CMC1: variants seen among roughly 807,000 people sequenced by gnomAD.
The protein encoded by CMC1 is COX assembly mitochondrial protein homolog.
In CMC1, 14 loss-of-function variants were observed where a neutral mutation model predicts 14.1. The ratio of observed to expected loss-of-function variants is 0.99; its 90% confidence interval spans 0.66 to 1.55. The LOEUF (loss-of-function observed/expected upper bound fraction) is 1.55. CMC1 is among the 40% of genes most tolerant of loss of function. CMC1 has a pLI of 0.00. For missense variants in CMC1, 127 were observed against 123.8 expected (o/e 1.03, Z -0.12); for synonymous variants, 50 against 38.4 (o/e 1.30, Z -1.12).
chr3:28,286,371 GGTT>G (rs1559424769), intron 2 of CMC1, among the ~76,000 whole-genome samples: 1 of 151,970 alleles, frequency 6.6e-6, no homozygotes, highest in Non-Finnish European at 1.5e-5. Flanking sequence ...GTTTATATAG[GGTT>G]GTTATTGAAA....
At chr3:28,302,847 G>A (rs1325177104) in intron 2 of CMC1, among the ~76,000 whole-genome samples, 1 of 152,128 alleles carries the variant, frequency 6.6e-6, no homozygotes, top group Non-Finnish European at 1.5e-5. Flanking sequence ...GTGACCTCAT[G>A]TGTGAGATAC....
chr3:28,304,358 C>G (rs1053291501), intron 2 of CMC1, among the ~76,000 whole-genome samples: 1 of 151,506 alleles, frequency 6.6e-6, no homozygotes, highest in Non-Finnish European at 1.5e-5. Context: ...CCAAAGATGT[C>G]TCAGTCATAA....
chr3:28,312,260 G>A (rs929578402), intron 2 of CMC1, among the ~76,000 whole-genome samples: 1 of 152,102 alleles, frequency 6.6e-6, no homozygotes, highest in African/African-American at 2.4e-5. Context: ...GAAAAGTTAG[G>A]AATAAGTGCT....
intron 3 of CMC1, chr3:28,319,270 C>G (rs772692059): frequency 6.2e-5 from 34 of 547,590 alleles, no homozygotes; most frequent in South Asian, 5.0e-4. Flanking sequence ...CGTGGGTTCC[C>G]AGGACAGGAG....
rs1382870620 is a variant in CMC1, at chr3:28,241,692, C to G, written c.-102C>G. 1.6e-6 allele frequency: 2 copies of G among 1,236,496 alleles called. No individual in the cohort carries two copies. Among genetic ancestry groups the G allele is most frequent in the Non-Finnish European group, 2.0e-6 (2 of 987,888 alleles). The allele number at this position is 1,236,496 out of a possible 1,614,324, so 76.6% of individuals were successfully genotyped here. A position where few individuals can be genotyped will look rare whatever the true frequency, so the allele number is the denominator to read the frequency against. On this transcript the variant is annotated 5_prime_UTR_variant, in exon 1 of 4. Coordinates refer to ENST00000466830, the MANE Select transcript of CMC1 (RefSeq NM_182523.2). Reference sequence around the variant, plus strand: ...CCCGTGTTTCTGTTGCGGGAAGCTCCCGGGGGTCGCACGTGCGTCCGAGCC... The same window carrying G: ...CCCGTGTTTCTGTTGCGGGAAGCTCGCGGGGGTCGCACGTGCGTCCGAGCC...
chr3:28,245,184 A>C (rs1576961124), intron 1 of CMC1, among the ~76,000 whole-genome samples: 1 of 152,182 alleles, frequency 6.6e-6, no homozygotes, highest in African/African-American at 2.4e-5. Flanking sequence ...AGCAACTTTT[A>C]ATTAACTTTG....
At chr3:28,263,219 CAG>C (rs1699824301) in intron 1 of CMC1, 70 bp from the exon 2 acceptor site, 4 of 1,041,134 alleles carry the variant, frequency 3.8e-6, no homozygotes, top group Non-Finnish European at 2.9e-6. Flanking sequence ...TTAAGTAAAC[CAG>C]AGTCTTATTT....
intron 2 of CMC1, among the ~76,000 whole-genome samples, chr3:28,314,062 A>G (rs1200876766): frequency 3.3e-5 from 5 of 152,188 alleles, no homozygotes; most frequent in Admixed American, 3.3e-4. Flanking sequence ...GTTCATTACC[A>G]CTATTGAACA....
chr3:28,284,730 CTG>C (rs147368414), intron 2 of CMC1, among the ~76,000 whole-genome samples: 15 of 150,202 alleles, frequency 1.0e-4, no homozygotes, highest in African/African-American at 1.5e-4. Context: ...TGTTAGATTT[CTG>C]TGTGTGTGTG....
chr3:28,278,311 C>A (rs1174133304), intron 2 of CMC1, among the ~76,000 whole-genome samples: 1 of 152,098 alleles, frequency 6.6e-6, no homozygotes, highest in African/African-American at 2.4e-5. Flanking sequence ...GGTAGATGGA[C>A]TCAGAGTTTA....
In CMC1 at chr3:28,324,076, T is replaced by A; in HGVS notation, c.*4447T>A. ...ATAAAGGCAGTTCTGATTATGTTGA[T>A]CCAAGTAATGCAGTGGTGGAAGGTT... is the stretch of plus-strand genomic sequence containing the variant. On this transcript the variant is annotated 3_prime_UTR_variant, in exon 4 of 4. Coordinates refer to ENST00000466830, the MANE Select transcript of CMC1 (RefSeq NM_182523.2). 6.2e-7 allele frequency: 1 copy of A among 1,609,394 alleles called. No homozygotes were observed. The highest frequency in any genetic ancestry group is 1.7e-4 in the Middle Eastern group (1 of 6,036).
chr3:28,263,825 A>G (rs1244778922), intron 2 of CMC1, among the ~76,000 whole-genome samples: 1 of 152,156 alleles, frequency 6.6e-6, no homozygotes, highest in African/African-American at 2.4e-5. Flanking sequence ...GAATCCTGAT[A>G]GGACTTACAG....
chr3:28,304,962 G>A (rs993711451), intron 2 of CMC1, among the ~76,000 whole-genome samples: 17 of 152,006 alleles, frequency 1.1e-4, no homozygotes, highest in African/African-American at 3.9e-4. Context: ...GATTTGAGGG[G>A]TACATGTGCA....
At chr3:28,319,470 G>C in intron 3 of CMC1, 39 bp from the exon 4 acceptor site, 2 of 1,540,110 alleles carry the variant, frequency 1.3e-6, no homozygotes, top group South Asian at 2.3e-5. Context: ...ACACATGCAG[G>C]ATTATTTACT....
At chr3:28,246,230 T>G (rs1698823142) in intron 1 of CMC1, among the ~76,000 whole-genome samples, 1 of 152,126 alleles carries the variant, frequency 6.6e-6, no homozygotes, top group African/African-American at 2.4e-5. Flanking sequence ...ATTTATAAAT[T>G]AAAAGCATAT....
chr3:28,296,252 C>G (rs1243486105), intron 2 of CMC1, among the ~76,000 whole-genome samples: 2 of 151,906 alleles, frequency 1.3e-5, no homozygotes, highest in East Asian at 3.9e-4. Context: ...ACCATTGTAA[C>G]CATGTAATAT....
intron 2 of CMC1, among the ~76,000 whole-genome samples, chr3:28,293,816 A>G (rs910165735): frequency 7.2e-5 from 11 of 152,104 alleles, no homozygotes; most frequent in African/African-American, 2.7e-4. Flanking sequence ...TCCTGAGCTC[A>G]AGCGATCCGA....
chr3:28,261,795 C>T (rs1455227616), intron 1 of CMC1, among the ~76,000 whole-genome samples: 1 of 152,144 alleles, frequency 6.6e-6, no homozygotes, highest in Non-Finnish European at 1.5e-5. Flanking sequence ...CAAGTCCCAC[C>T]ATGGGCCCCT....
At chr3:28,303,504 G>T (rs1327167400) in intron 2 of CMC1, among the ~76,000 whole-genome samples, 3 of 151,778 alleles carry the variant, frequency 2.0e-5, no homozygotes, top group Non-Finnish European at 4.4e-5. Flanking sequence ...TTTTGTTACT[G>T]TTTTTTTGAA....
Sources: allele counts gnomAD v4.1 joint callset (sites outside exome capture counted in the v4.1 genomes callset), GRCh38; gene constraint gnomAD v4.1.1; transcripts MANE v1.5; gene names NCBI Gene and HGNC (gene_info 2026-07-23, HGNC 2026-07-21).